Variants in OTUD4 observed in about 807,000 individuals in gnomAD.
OTUD4 encodes OTU domain-containing protein 4.
OTUD4 carries 24 observed loss-of-function variants against 130.4 expected under a neutral mutation model. The ratio of observed to expected loss-of-function variants is 0.18; its 90% confidence interval spans 0.13 to 0.26. OTUD4 has a LOEUF of 0.26. OTUD4 is among the 10% of genes least tolerant of loss of function. The probability of loss-of-function intolerance (pLI) is 1.00; values close to 1 mark genes in which losing one functional copy is unlikely to be tolerated. For synonymous variants in OTUD4, 420 were observed against 472.5 expected, an observed-to-expected ratio of 0.89 and a Z score of 1.44; for missense variants, 1,031 against 1,329.4, an observed-to-expected ratio of 0.78 and a Z score of 3.49.
chr4:145,140,431 T>C (rs1291074559), intron 19 of OTUD4, among the ~76,000 whole-genome samples: 1 of 152,120 alleles, frequency 6.6e-6, no homozygotes, highest in African/African-American at 2.4e-5. Context: ...ATGAGCCAGT[T>C]ACTCATAGAC....
In OTUD4 at chr4:145,137,683, G is replaced by C. The variant is rs149311434; in HGVS notation, c.3092C>G (p.Ser1031Cys). Residue 1031 changes from serine to cysteine, a missense_variant, in exon 21 of 21, where the codon TCT (serine) becomes TGT (cysteine). Physicochemically the swap from Ser to Cys is moderately radical, Grantham distance 112. Around this residue, in one of 3 missense-constraint regions of OTUD4, gnomAD observed 900 missense variants for 1,095.9 expected, o/e 0.82. Transcript: ENST00000447906. ...EESSEDENEV[S>C]NILRSGRSKQ... Reference sequence around the variant, plus strand: ...GGATCTACCACTTCTCAAAATATTAGACACTTCATTTTCATCTTCTGAACT... The same window carrying C: ...GGATCTACCACTTCTCAAAATATTACACACTTCATTTTCATCTTCTGAACT... 67 of 1,613,738 alleles carry C rather than the reference G, an allele frequency of 4.2e-5. No individual in the cohort carries two copies. The Middle Eastern group carries it at 6.6e-4, about 16-fold the overall frequency.
At chr4:145,154,397 A>C (rs1324828573) in intron 10 of OTUD4, among the ~76,000 whole-genome samples, 1 of 152,230 alleles carries the variant, frequency 6.6e-6, no homozygotes, top group Non-Finnish European at 1.5e-5. Context: ...ACTTCACATA[A>C]ACCAATTTAT....
chr4:145,179,780 T>TCCCCTCGAAGCCCTCCCCGCCC (rs1752604480), intron 1 of OTUD4, 35 bp downstream of exon 1: 1 of 305,152 alleles, frequency 3.3e-6, no homozygotes, highest in African/African-American at 5.4e-5. Flanking sequence ...CGTCCCCGCC[T>TCCCCTCGAAGCCCTCCCCGCCC]CCCCTCGAAG....
At chr4:145,157,913 G>C (rs1751370632) in intron 7 of OTUD4, among the ~76,000 whole-genome samples, 1 of 151,966 alleles carries the variant, frequency 6.6e-6, no homozygotes, top group Non-Finnish European at 1.5e-5. Flanking sequence ...ACCATTAACA[G>C]CAACAGCAAC....
chr4:145,138,941 C>T (rs560026912), intron 20 of OTUD4, among the ~76,000 whole-genome samples: 4 of 152,220 alleles, frequency 2.6e-5, no homozygotes, highest in Non-Finnish European at 5.9e-5. Flanking sequence ...CCTGCATTCA[C>T]ATTCGGGCTC....
chr4:145,143,243 G>A (rs938072341), intron 17 of OTUD4, 122 bp downstream of exon 17: 1 of 549,128 alleles, frequency 1.8e-6, no homozygotes, highest in Non-Finnish European at 3.2e-6. Context: ...GCCAAACTGT[G>A]ATGCCAGAAA....
intron 10 of OTUD4, among the ~76,000 whole-genome samples, chr4:145,153,777 C>T (rs1751165474): frequency 6.6e-6 from 1 of 152,192 alleles, no homozygotes; most frequent in South Asian, 2.1e-4. Flanking sequence ...TCAAAGTCCT[C>T]AAGCTGGTAT....
chr4:145,160,481 A>G (rs572107344), intron 6 of OTUD4, among the ~76,000 whole-genome samples: 14 of 152,352 alleles, frequency 9.2e-5, no homozygotes, highest in Non-Finnish European at 1.8e-4. Flanking sequence ...ATTTGGTTTT[A>G]TAACAATGAG....
Position 145,165,135 on chromosome 4 carries a change from T to A in OTUD4, c.341+16A>T. 6.8e-7 allele frequency: 1 copy of A among 1,478,842 alleles called. No individual in the cohort carries two copies. Among genetic ancestry groups the A allele is most frequent in the Non-Finnish European group, 9.3e-7 (1 of 1,070,074 alleles). 91.6% of individuals were successfully genotyped at this position (1,478,842 alleles called of 1,614,324 possible). A position where few individuals can be genotyped will look rare whatever the true frequency, so the allele number is the denominator to read the frequency against. On this transcript the variant is annotated intron_variant, in intron 4 of 20. Transcript: ENST00000447906. ...CTGGTTTCATTTTCTTTTACTTATG[T>A]TATTACAGTGTTTACCTGTACATAA...
In OTUD4 at chr4:145,139,985, T is replaced by C; in HGVS notation, c.2090A>G (p.Asn697Ser). 1 of 807,734 alleles carries C rather than the reference T, an allele frequency of 1.2e-6. No individual in the cohort carries two copies. The highest frequency in any genetic ancestry group is 1.6e-5 in the South Asian group (1 of 63,172). 50.0% of individuals were successfully genotyped at this position (807,734 alleles called of 1,614,324 possible). ...AAGATTGAAGAAGAATCGAAGAATA[T>C]TCTTATCTAAAAATAAAAGTAATCA... is the stretch of plus-strand genomic sequence containing the variant. ...QTGEDLPKDK[N>S]ILRFFFNLGV... The change falls in exon 20 of 21, where the codon AAT becomes AGT. Residue 697 changes from asparagine (N) to serine (S), a missense_variant. Transcript: ENST00000447906.
intron 14 of OTUD4, among the ~76,000 whole-genome samples, chr4:145,144,736 T>C (rs1750739778): frequency 2.6e-5 from 4 of 152,132 alleles, no homozygotes. Flanking sequence ...CCTACAATTT[T>C]TCTTTCAAAA....
At chr4:145,144,282 A>G (rs371507674) in intron 15 of OTUD4, 29 bp downstream of exon 15, 38 of 1,600,162 alleles carry the variant, frequency 2.4e-5, no homozygotes, top group Non-Finnish European at 3.2e-5. Context: ...GATCTCTAGC[A>G]TCTGCTTTCT....
At chr4:145,140,921 T>G (rs955869578) in intron 19 of OTUD4, among the ~76,000 whole-genome samples, 10 of 152,042 alleles carry the variant, frequency 6.6e-5, no homozygotes, top group African/African-American at 2.4e-4. Context: ...AACCCAGCAC[T>G]TCGGGAGGCC....
At chr4:145,151,064 A>AT (rs1751043139) in intron 11 of OTUD4, among the ~76,000 whole-genome samples, 159 bp from the exon 12 acceptor site, 1 of 152,180 alleles carries the variant, frequency 6.6e-6, no homozygotes, top group South Asian at 2.1e-4. Flanking sequence ...ACCAATCCAG[A>AT]TGTAATTCTA....
chr4:145,159,606 C>T lies in OTUD4; in HGVS notation c.526G>A (p.Val176Ile), dbSNP rs1000285153. ...ATTTTACTAACATCAGTTTTAAATA[C>T]CTTCTCATACAGCAATTCATAAAGG... ...SLLYELLYEK[V>I]FKTDVSKIVM... The change falls in exon 7 of 21, where the codon GTA becomes ATA. Residue 176 changes from valine (V) to isoleucine (I), a missense_variant. By Grantham distance (29) the Val-to-Ile change is conservative. Around this residue, in one of 3 missense-constraint regions of OTUD4, gnomAD observed 77 missense variants for 172.9 expected, o/e 0.45. Coordinates refer to ENST00000447906, the MANE Select transcript of OTUD4 (RefSeq NM_001366057.1). 1.9e-6 allele frequency: 3 copies of T among 1,613,094 alleles called. No homozygotes were observed. The African/African-American group carries it at 4.0e-5, about 22-fold the overall frequency.
chr4:145,166,785 G>C (rs1751898217), intron 3 of OTUD4, among the ~76,000 whole-genome samples: 1 of 152,146 alleles, frequency 6.6e-6, no homozygotes, highest in Non-Finnish European at 1.5e-5. Context: ...AGTCGAGTAA[G>C]CCGAGATCGC....
rs1438890899 is a variant in OTUD4, at chr4:145,134,493, A to T, written c.*2937T>A. ...AACTTTATTGCACCAAGTCAATCATAAGCAAGTTTGCAGTTCACAGGCATT... is the reference window on the plus strand; with the variant it reads ...AACTTTATTGCACCAAGTCAATCATTAGCAAGTTTGCAGTTCACAGGCATT... On this transcript the variant is annotated 3_prime_UTR_variant, in exon 21 of 21. Coordinates refer to ENST00000447906, the MANE Select transcript of OTUD4 (RefSeq NM_001366057.1). 5.1e-6 allele frequency: 2 copies of T among 390,508 alleles called. No homozygotes were observed. Among genetic ancestry groups the T allele is most frequent in the African/African-American group, 4.1e-5 (2 of 48,504 alleles). 24.2% of individuals were successfully genotyped at this position (390,508 alleles called of 1,614,324 possible).
chr4:145,161,068 C>G (rs1034134527), intron 6 of OTUD4, among the ~76,000 whole-genome samples: 12 of 152,176 alleles, frequency 7.9e-5, no homozygotes, highest in Admixed American at 7.9e-4. Flanking sequence ...CAAGATTGTG[C>G]CACTGCACTC....
chr4:145,152,462 C>T (rs1359469666), intron 11 of OTUD4, 79 bp downstream of exon 11: 3 of 784,652 alleles, frequency 3.8e-6, no homozygotes, highest in Non-Finnish European at 6.4e-6. Flanking sequence ...TTTGCAAATA[C>T]TGAAGGCCAT....
Sources: allele counts gnomAD v4.1 joint callset (sites outside exome capture counted in the v4.1 genomes callset), GRCh38; gene constraint gnomAD v4.1.1; regional missense constraint gnomAD v4.1.1; transcripts MANE v1.5; gene names NCBI Gene and HGNC (gene_info 2026-07-23, HGNC 2026-07-21).